NMNAT2: variants seen among roughly 807,000 people sequenced by gnomAD.
NMNAT2 encodes nicotinamide/nicotinic acid mononucleotide adenylyltransferase 2.
A neutral mutation model predicts 41.6 loss-of-function variants in NMNAT2; 11 were observed. The ratio of observed to expected loss-of-function variants is 0.26; its 90% CI spans 0.17 to 0.44. The LOEUF is 0.44. NMNAT2 is among the 20% of genes least tolerant of loss of function. The pLI, the probability that NMNAT2 is intolerant of heterozygous loss-of-function variation, is 1.00. For synonymous variants in NMNAT2, 148 were observed against 151.2 expected (o/e 0.98, Z 0.16); for missense variants, 288 against 407.7 (o/e 0.71, Z 2.53).
intron 1 of NMNAT2, among the ~76,000 whole-genome samples, chr1:183,368,363 G>A (rs572293632): frequency 7.2e-5 from 11 of 152,226 alleles, no homozygotes; most frequent in Admixed American, 6.5e-5. Flanking sequence ...CCTGGAGGCC[G>A]GAATAAGGAC....
At chr1:183,358,802 C>G (rs552107377) in intron 1 of NMNAT2, among the ~76,000 whole-genome samples, 1 of 152,186 alleles carries the variant, frequency 6.6e-6, no homozygotes, top group Non-Finnish European at 1.5e-5. Flanking sequence ...TCCCACCTTC[C>G]TCTCCTTTCT....
At chr1:183,405,251 G>A (rs1294718859) in intron 1 of NMNAT2, among the ~76,000 whole-genome samples, 1 of 151,952 alleles carries the variant, frequency 6.6e-6, no homozygotes, top group Non-Finnish European at 1.5e-5. Flanking sequence ...TCTCACCTTC[G>A]AAACAATAGG....
At chr1:183,313,476 A>G (rs1169773592) in intron 1 of NMNAT2, among the ~76,000 whole-genome samples, 1 of 152,142 alleles carries the variant, frequency 6.6e-6, no homozygotes, top group African/African-American at 2.4e-5. Context: ...AGAGATTTTC[A>G]CTTTCAAGCA....
intron 1 of NMNAT2, among the ~76,000 whole-genome samples, chr1:183,303,656 G>A (rs763038906): frequency 1.1e-4 from 17 of 152,332 alleles, no homozygotes; most frequent in South Asian, 2.1e-4. Flanking sequence ...TTCAGGGAGC[G>A]TGAAACAGAC....
At chr1:183,407,074 C>T (rs1648977479) in intron 1 of NMNAT2, among the ~76,000 whole-genome samples, 1 of 152,188 alleles carries the variant, frequency 6.6e-6, no homozygotes, top group South Asian at 2.1e-4. Context: ...GCCTCAGCCT[C>T]CCAAAGTGCT....
intron 8 of NMNAT2, among the ~76,000 whole-genome samples, chr1:183,277,822 C>T (rs1453247577): frequency 6.6e-6 from 1 of 152,146 alleles, no homozygotes; most frequent in Non-Finnish European, 1.5e-5. Context: ...GGTCCAGAGT[C>T]ACACAGCAAG....
intron 1 of NMNAT2, among the ~76,000 whole-genome samples, chr1:183,390,185 C>T (rs1648437694): frequency 6.6e-6 from 1 of 151,978 alleles, no homozygotes; most frequent in African/African-American, 2.4e-5. Context: ...TAGGGTGAGC[C>T]GCATGAACAT....
intron 1 of NMNAT2, among the ~76,000 whole-genome samples, chr1:183,341,079 G>A (rs1270675091): frequency 6.6e-6 from 1 of 152,222 alleles, no homozygotes; most frequent in African/African-American, 2.4e-5. Context: ...TGGATGGGCG[G>A]CTGGGCTAGA....
intron 1 of NMNAT2, among the ~76,000 whole-genome samples, chr1:183,341,946 C>T (rs187624538): frequency 1.8e-3 from 271 of 151,890 alleles, no homozygotes; most frequent in Middle Eastern, 6.8e-3. Context: ...AGGTGGAATC[C>T]CACCTATGAA....
In NMNAT2 at chr1:183,252,631, C is replaced by T. The variant is rs374218111; in HGVS notation, c.*10G>A. 1 of 1,599,374 alleles carries T rather than the reference C, an allele frequency of 6.3e-7. No homozygotes were observed. Among genetic ancestry groups the T allele is most frequent in the East Asian group, 2.2e-5 (1 of 44,828 alleles). On this transcript the variant is annotated 3_prime_UTR_variant, in exon 11 of 11. Transcript: ENST00000287713. ...GAGGGGCCATTGTGTTGCCGGAGGA[C>T]GAGGGGCTGCTAGCCGGAGGCATTG...
chr1:183,348,213 G>A (rs568336881), intron 1 of NMNAT2, among the ~76,000 whole-genome samples: 2 of 152,170 alleles, frequency 1.3e-5, no homozygotes, highest in Non-Finnish European at 2.9e-5. Context: ...GCATCTTTTA[G>A]AGGTTTTTTT....
intron 8 of NMNAT2, among the ~76,000 whole-genome samples, chr1:183,277,854 T>A (rs1037539383): frequency 1.3e-5 from 2 of 152,190 alleles, no homozygotes; most frequent in African/African-American, 2.4e-5. Flanking sequence ...GCACTACATC[T>A]AGAATTGCTG....
At chr1:183,275,241 G>A (rs1242324856) in intron 8 of NMNAT2, among the ~76,000 whole-genome samples, 1 of 152,212 alleles carries the variant, frequency 6.6e-6, no homozygotes, top group African/African-American at 2.4e-5. Context: ...GGAGTGGAAT[G>A]TTAATTTGAT....
chr1:183,378,279 A>G (rs1663721510), intron 1 of NMNAT2, among the ~76,000 whole-genome samples: 1 of 152,094 alleles, frequency 6.6e-6, no homozygotes, highest in Non-Finnish European at 1.5e-5. Flanking sequence ...CTGTAATCCC[A>G]GCTACTCAGG....
intron 1 of NMNAT2, among the ~76,000 whole-genome samples, chr1:183,359,995 G>A (rs556772885): frequency 3.9e-5 from 6 of 152,020 alleles, no homozygotes; most frequent in Non-Finnish European, 8.8e-5. Context: ...TTGGATTTTT[G>A]CTGGCTTTGG....
chr1:183,382,384 C>T (rs543801461), intron 1 of NMNAT2, among the ~76,000 whole-genome samples: 46 of 152,276 alleles, frequency 3.0e-4, no homozygotes, highest in African/African-American at 8.9e-4. Context: ...ATCTTTTCCA[C>T]CCCTGTCCCC....
chr1:183,357,901 A>G (rs1004073699), intron 1 of NMNAT2, among the ~76,000 whole-genome samples: 3 of 152,198 alleles, frequency 2.0e-5, no homozygotes, highest in East Asian at 1.9e-4. Flanking sequence ...TTATATTTAT[A>G]TATTCCCAAA....
chr1:183,296,906 A>G (rs1571581916), intron 1 of NMNAT2, among the ~76,000 whole-genome samples: 1 of 152,012 alleles, frequency 6.6e-6, no homozygotes, highest in Non-Finnish European at 1.5e-5. Context: ...ATCTATTCTG[A>G]TATTTGAAGA....
At chr1:183,272,738 C>CGGTT (rs1377593154) in intron 8 of NMNAT2, among the ~76,000 whole-genome samples, 3 of 152,220 alleles carry the variant, frequency 2.0e-5, no homozygotes, top group African/African-American at 7.2e-5. Context: ...CGGTCTCAGC[C>CGGTT]GGTTCCAGCC....
Sources: allele counts gnomAD v4.1 joint callset (sites outside exome capture counted in the v4.1 genomes callset), GRCh38; gene constraint gnomAD v4.1.1; transcripts MANE v1.5; gene names NCBI Gene and HGNC (gene_info 2026-07-23, HGNC 2026-07-21).